The following C5 variants were observed in gnomAD, a reference collection of about 807,000 sequenced individuals.
C5 encodes C3 and PZP-like alpha-2-macroglobulin domain-containing protein 4.
Under a neutral mutation model 218.8 loss-of-function variants are expected in C5, and 140 were observed. The ratio of observed to expected loss-of-function variants is 0.64; its 90% CI spans 0.56 to 0.74. The LOEUF (loss-of-function observed/expected upper bound fraction) is 0.74. Ranked by LOEUF, C5 falls within the 30% of genes least tolerant of loss-of-function variation. The pLI, the probability that C5 is intolerant of heterozygous loss-of-function variation, is 0.00. For missense variants in C5, 1,700 were observed against 1,969.6 expected (o/e 0.86, Z 2.59); for synonymous variants, 614 against 682.3 (o/e 0.90, Z 1.56).
intron 22 of C5, among the ~76,000 whole-genome samples, chr9:120,995,159 T>A (rs905306312): frequency 1.3e-5 from 2 of 152,208 alleles, no homozygotes; most frequent in African/African-American, 4.8e-5. Context: ...CACTCCTCAG[T>A]TCATGATACT....
chr9:120,959,853 A>AT (rs1185228623), intron 38 of C5, among the ~76,000 whole-genome samples: 2 of 152,166 alleles, frequency 1.3e-5, no homozygotes, highest in African/African-American at 4.8e-5. Flanking sequence ...CCCTGAAGAT[A>AT]TTTTTTTAAA....
chr9:120,957,505 T>G (rs1347430783), intron 38 of C5, 137 bp from the exon 39 acceptor site: 1 of 672,612 alleles, frequency 1.5e-6, no homozygotes, highest in Non-Finnish European at 2.7e-6. Context: ...CCAAGAAGCC[T>G]TCCCCAATCC....
intron 5 of C5, among the ~76,000 whole-genome samples, chr9:121,033,958 T>C (rs2047500893): frequency 6.6e-6 from 1 of 151,616 alleles, no homozygotes; most frequent in African/African-American, 2.4e-5. Flanking sequence ...TTTGCTCCTG[T>C]TGCCCAACAT....
the C5 span, among the ~76,000 whole-genome samples, chr9:121,059,341 C>T: frequency 6.6e-6 from 1 of 152,172 alleles, no homozygotes; most frequent in Middle Eastern, 3.2e-3. This position sits in a 1 kb window ranked among gnomAD's most constrained non-coding sequence, Gnocchi z 4.1. Context: ...AAACAACATA[C>T]AAGGAGGAGA....
chr9:121,056,920 T>G, the C5 span, among the ~76,000 whole-genome samples: 1 of 152,102 alleles, frequency 6.6e-6, no homozygotes, highest in Admixed American at 6.5e-5. Context: ...CAAATAAGAC[T>G]ACTTCAAGAC....
At position 120,963,954 on chromosome 9, in the gene C5, A is replaced by C. The variant is rs545408525; in HGVS notation, c.4221-216T>G. The stretch of plus-strand genomic sequence containing the variant: ...ACTTGATCAATAATCTCAACAGACC[A>C]CTCTACTGGAACACAGAAGTCATCC... On this transcript the variant is annotated intron_variant, in intron 33 of 40. Transcript: ENST00000223642. Among the ~76,000 whole-genome samples, 6 of 152,146 alleles carry C rather than the reference A, an allele frequency of 3.9e-5. No individual in the cohort carries two copies. The South Asian group carries it at 1.2e-3, about 32-fold the overall frequency.
intron 5 of C5, 76 bp from the exon 6 acceptor site, chr9:121,032,271 C>T (rs949317440): frequency 3.4e-6 from 3 of 875,552 alleles, no homozygotes; most frequent in East Asian, 2.5e-5. Context: ...CTAATAAATT[C>T]CTGTTTTAAA....
intron 7 of C5, among the ~76,000 whole-genome samples, chr9:121,029,581 GC>G (rs1299317895): frequency 6.6e-6 from 1 of 152,116 alleles, no homozygotes; most frequent in Non-Finnish European, 1.5e-5. Flanking sequence ...AATGACCTAA[GC>G]TTTTGTGATA....
chr9:121,060,090 T>C, the C5 span, among the ~76,000 whole-genome samples: 1 of 152,244 alleles, frequency 6.6e-6, no homozygotes, highest in Admixed American at 6.5e-5. Context: ...TCTAAAAATA[T>C]AACTTTCATC....
intron 3 of C5, 110 bp from the exon 4 acceptor site, chr9:121,038,061 C>T (rs1387019354): frequency 8.9e-6 from 5 of 563,686 alleles, no homozygotes; most frequent in Non-Finnish European, 1.6e-5. Flanking sequence ...AAACTCAATA[C>T]ACAAAAGTCC....
intron 30 of C5, among the ~76,000 whole-genome samples, chr9:120,974,258 G>T (rs1183623486): frequency 6.6e-6 from 1 of 152,146 alleles, no homozygotes; most frequent in Admixed American, 6.5e-5. Flanking sequence ...GGGGCAAGGA[G>T]CTGGGGACCC....
At chr9:121,052,526 T>C (rs2047677737), upstream of C5, among the ~76,000 whole-genome samples, 1 of 152,146 alleles carries the variant, frequency 6.6e-6, no homozygotes, top group Non-Finnish European at 1.5e-5. Context: ...AGCCTTTCAT[T>C]TTTATACAAA....
intron 32 of C5, among the ~76,000 whole-genome samples, chr9:120,969,897 C>G (rs2046897749): frequency 6.6e-6 from 1 of 152,154 alleles, no homozygotes; most frequent in Non-Finnish European, 1.5e-5. Context: ...TAGTTACACT[C>G]TTTAAAAATA....
At chr9:121,054,482 C>A (rs1186366811), upstream of C5, among the ~76,000 whole-genome samples, 1 of 152,128 alleles carries the variant, frequency 6.6e-6, no homozygotes, top group Non-Finnish European at 1.5e-5. Context: ...TGCCTGTAAT[C>A]CCAGCTACTC....
At chr9:120,981,980 T>G in intron 26 of C5, 41 bp from the exon 27 acceptor site, 5 of 1,345,176 alleles carry the variant, frequency 3.7e-6, no homozygotes, top group Non-Finnish European at 5.3e-6. Context: ...TGAAATGGTG[T>G]CTTTAAGGCG....
intron 30 of C5, 70 bp downstream of exon 30, chr9:120,974,709 T>C: frequency 7.4e-7 from 1 of 1,354,532 alleles, no homozygotes; most frequent in Non-Finnish European, 1.1e-6. Context: ...ATTTATAAAA[T>C]AAAGAGTGGA....
At chr9:121,001,912 A>G (rs1181905547) in intron 20 of C5, among the ~76,000 whole-genome samples, 1 of 152,076 alleles carries the variant, frequency 6.6e-6, no homozygotes. Flanking sequence ...TGTATGCATA[A>G]ATGCAGACTT....
intron 37 of C5, among the ~76,000 whole-genome samples, chr9:120,960,761 A>G (rs144154790): frequency 6.6e-6 from 1 of 152,344 alleles, no homozygotes; most frequent in Non-Finnish European, 1.5e-5. Flanking sequence ...CACTGAAGCC[A>G]AAAGATTGGA....
intron 36 of C5, 42 bp from the exon 37 acceptor site, chr9:120,961,607 A>C (rs1281151310): frequency 1.6e-6 from 2 of 1,223,476 alleles, no homozygotes. Context: ...GGTTTGATTG[A>C]AGAACAACAC....
Sources: gnomAD v4.1 joint callset for allele counts (sites outside exome capture counted in the v4.1 genomes callset) on GRCh38, gnomAD v4.1.1 for gene constraint, Gnocchi (gnomAD v3.1) non-coding constraint, MANE v1.5 for transcripts, NCBI Gene and HGNC (gene_info 2026-07-23, HGNC 2026-07-21) for gene names.